Variants in ENPP1 observed in about 807,000 individuals in gnomAD.
ENPP1 encodes the protein ectonucleotide pyrophosphatase/phosphodiesterase family member 1.
ENPP1 carries 73 observed loss-of-function variants against 122.8 expected under a neutral mutation model. That is an observed-to-expected ratio of 0.59 (90% CI 0.49 to 0.72). The LOEUF is 0.72. Among genes scored for constraint, ENPP1 ranks in the 30% least tolerant of loss-of-function variants. The pLI is 0.00. For missense variants in ENPP1, 978 were observed against 1,128.1 expected (o/e 0.87, Z 1.91); for synonymous variants, 367 against 391.6 (o/e 0.94, Z 0.74).
chr6:131,881,505 CCTCCTTTG>C (rs1782305501), intron 20 of ENPP1, among the ~76,000 whole-genome samples: 1 of 152,148 alleles, frequency 6.6e-6, no homozygotes, highest in African/African-American at 2.4e-5. Context: ...CGGTGACTGT[CCTCCTTTG>C]CTCCAGCAAC....
chr6:131,880,079 G>GTTCTGCTTAATC, intron 20 of ENPP1, 45 bp downstream of exon 20: 1 of 1,561,410 alleles, frequency 6.4e-7, no homozygotes, highest in Non-Finnish European at 8.8e-7. Flanking sequence ...TCAAATTAAT[G>GTTCTGCTTAATC]ATTAAGCAGA....
intron 1 of ENPP1, among the ~76,000 whole-genome samples, chr6:131,835,741 C>T (rs1485569513): frequency 6.6e-6 from 1 of 152,072 alleles, no homozygotes; most frequent in South Asian, 2.1e-4. Context: ...CTGACAGGCC[C>T]AGTGTGTGTT....
At chr6:131,887,929 C>T (rs531420275) in intron 24 of ENPP1, among the ~76,000 whole-genome samples, 11 of 143,586 alleles carry the variant, frequency 7.7e-5, no homozygotes, top group African/African-American at 1.0e-4. Flanking sequence ...GGCGTGATCT[C>T]GGCTCCCTGC....
intron 1 of ENPP1, among the ~76,000 whole-genome samples, chr6:131,829,118 T>A (rs1330675473): frequency 6.6e-6 from 1 of 152,248 alleles, no homozygotes; most frequent in African/African-American, 2.4e-5. Context: ...AAAAACTATG[T>A]TTTTTGGATA....
chr6:131,818,829 A>G (rs1204679525), intron 1 of ENPP1, among the ~76,000 whole-genome samples: 1 of 151,918 alleles, frequency 6.6e-6, no homozygotes, highest in Admixed American at 6.6e-5. Context: ...AGCTGAACTA[A>G]TTTTTTTTCA....
chr6:131,874,283 GA>G lies in ENPP1; in HGVS notation c.1584del (p.Lys528AsnfsTer45). 6.3e-7 allele frequency: 1 copy of G among 1,592,662 alleles called. No individual in the cohort carries two copies. Among genetic ancestry groups the G allele is most frequent in the Non-Finnish European group, 8.6e-7 (1 of 1,161,512 alleles). On this transcript the variant is annotated frameshift_variant, in exon 16 of 25. Coordinates refer to ENST00000647893, the MANE Select transcript of ENPP1 (RefSeq NM_006208.3). LOFTEE classifies it high-confidence loss of function. ...WQLALNPSER[K>X]YCGSGFHGSD... Reference sequence around the variant, plus strand: ...TCAACATTAGGAATCCCTCAGAAAGGAAATATTGTGGAAGTGGATTTCATGG... The same window carrying G: ...TCAACATTAGGAATCCCTCAGAAAGGAATATTGTGGAAGTGGATTTCATGG...
Position 131,879,932 on chromosome 6 carries a change from G to C in ENPP1, c.1998G>C (p.Gln666His). ...TLPYGRPRVL[Q>H]KENTICLLSQ... ...CCTATGGAAGACCTAGAGTTCTCCA[G>C]AAGGAAAACACCATCTGTCTTCTTT... The change falls in exon 20 of 25, where the codon CAG (glutamine) becomes CAC (histidine). Residue 666 changes from glutamine to histidine, a missense_variant. Physicochemically the swap from Gln to His is conservative, Grantham distance 24. Transcript: ENST00000647893. 6.2e-7 allele frequency: 1 copy of C among 1,613,418 alleles called. No homozygotes were observed. Among genetic ancestry groups the C allele is most frequent in the Non-Finnish European group, 8.5e-7 (1 of 1,179,398 alleles).
In ENPP1 at chr6:131,883,687, T is replaced by G; in HGVS notation, c.2231-7T>G. On this transcript the variant is annotated splice_region_variant and splice_polypyrimidine_tract_variant and intron_variant, in intron 21 of 24. Coordinates refer to ENST00000647893, the MANE Select transcript of ENPP1 (RefSeq NM_006208.3). ...AATGAAAAAGTTGTCCTCTTTTCTCTTTGTAGAACTAAATAAAAATTCAAG... is the reference window on the plus strand; with the variant it reads ...AATGAAAAAGTTGTCCTCTTTTCTCGTTGTAGAACTAAATAAAAATTCAAG... 1 of 1,289,428 alleles carries G rather than the reference T, an allele frequency of 7.8e-7. No individual in the cohort carries two copies. Among genetic ancestry groups the G allele is most frequent in the Non-Finnish European group, 1.1e-6 (1 of 885,400 alleles). 79.9% of individuals were successfully genotyped at this position (1,289,428 alleles called of 1,614,324 possible). A position where few individuals can be genotyped will look rare whatever the true frequency, so the allele number is the denominator to read the frequency against.
At chr6:131,870,757 G>A (rs1365714455) in intron 13 of ENPP1, among the ~76,000 whole-genome samples, 1 of 152,252 alleles carries the variant, frequency 6.6e-6, no homozygotes, top group East Asian at 1.9e-4. Context: ...AGTAGTACAT[G>A]ACTGTTATAA....
At chr6:131,838,429 A>T (rs1181761602) in intron 1 of ENPP1, among the ~76,000 whole-genome samples, 1 of 152,194 alleles carries the variant, frequency 6.6e-6, no homozygotes. Context: ...ATGATTCCAG[A>T]TGAAAGCTGA....
At chr6:131,884,878 T>C in intron 22 of ENPP1, 53 bp from the exon 23 acceptor site, 1 of 1,600,532 alleles carries the variant, frequency 6.2e-7, no homozygotes, top group Admixed American at 1.7e-5. Context: ...ATTTCACACG[T>C]CAACATGGTC....
chr6:131,845,360 A>G (rs1355249197), intron 1 of ENPP1, among the ~76,000 whole-genome samples: 7 of 151,286 alleles, frequency 4.6e-5, no homozygotes, highest in African/African-American at 1.7e-4. Context: ...GTTTTAAATT[A>G]TAATACACTA....
intron 1 of ENPP1, among the ~76,000 whole-genome samples, chr6:131,825,078 C>A: frequency 6.6e-6 from 1 of 151,688 alleles, no homozygotes; most frequent in East Asian, 1.9e-4. Context: ...AACAAACAAA[C>A]AAAAGCAATT....
At chr6:131,811,650 G>A (rs1008488093) in intron 1 of ENPP1, among the ~76,000 whole-genome samples, 3 of 152,082 alleles carry the variant, frequency 2.0e-5, no homozygotes, top group African/African-American at 7.2e-5. Flanking sequence ...CACATTCCAG[G>A]AACATGAAGA....
At chr6:131,818,804 GTTGT>G (rs772510513) in intron 1 of ENPP1, among the ~76,000 whole-genome samples, 15 of 152,162 alleles carry the variant, frequency 9.9e-5, no homozygotes, top group Admixed American at 4.6e-4. Flanking sequence ...CAGCTGTGCG[GTTGT>G]TTAAGTTGCA....
At chr6:131,827,161 T>C (rs1585797314) in intron 1 of ENPP1, 3 of 741,402 alleles carry the variant, frequency 4.0e-6, no homozygotes, top group Middle Eastern at 4.9e-4. Flanking sequence ...TTCTATCTTG[T>C]CTTGGACATT....
intron 7 of ENPP1, 70 bp from the exon 8 acceptor site, chr6:131,860,317 A>C: frequency 8.2e-7 from 1 of 1,220,526 alleles, no homozygotes; most frequent in African/African-American, 1.5e-5. Context: ...CTTTTTGATG[A>C]TTTTTTTCTG....
intron 1 of ENPP1, among the ~76,000 whole-genome samples, chr6:131,833,440 G>C (rs898375244): frequency 9.9e-5 from 15 of 151,818 alleles, no homozygotes; most frequent in African/African-American, 3.6e-4. Flanking sequence ...TACCAAAAAT[G>C]TCTTATCCTT....
chr6:131,873,199 T>G, intron 15 of ENPP1, 149 bp downstream of exon 15: 2 of 965,304 alleles, frequency 2.1e-6, no homozygotes, highest in Non-Finnish European at 3.3e-6. Context: ...TGTCGGCCTA[T>G]GGATGTTTGA....
Sources: allele counts gnomAD v4.1 joint callset (sites outside exome capture counted in the v4.1 genomes callset), GRCh38; gene constraint gnomAD v4.1.1; transcripts MANE v1.5; gene names NCBI Gene and HGNC (gene_info 2026-07-23, HGNC 2026-07-21).